Variants in SAMD5 observed in about 807,000 individuals in gnomAD.
SAMD5 encodes the protein sterile alpha motif domain-containing protein 5.
Under a neutral mutation model 11.3 loss-of-function variants are expected in SAMD5, and 13 were observed. The observed-to-expected ratio is 1.15, with a 90% confidence interval of 0.75 to 1.83. The LOEUF (loss-of-function observed/expected upper bound fraction) is 1.83. SAMD5 is among the 40% of genes most tolerant of loss of function. The pLI is 0.00. For missense variants in SAMD5, 255 were observed against 239.1 expected (o/e 1.07, Z -0.44); for synonymous variants, 129 against 111.3 (o/e 1.16, Z -1.00).
chr6:147,725,347 G>A (rs79940011), intron 1 of SAMD5, among the ~76,000 whole-genome samples: 7 of 151,252 alleles, frequency 4.6e-5, no homozygotes, highest in Non-Finnish European at 5.9e-5. Flanking sequence ...CAAATCTTGT[G>A]GGGGGTGGAC....
At chr6:147,619,277 A>C (rs1789921870) in intron 1 of SAMD5, among the ~76,000 whole-genome samples, 1 of 152,258 alleles carries the variant, frequency 6.6e-6, no homozygotes, top group Non-Finnish European at 1.5e-5. Context: ...AATTATTGAC[A>C]TGAATTCTGC....
chr6:147,938,085 C>G, the SAMD5 span, among the ~76,000 whole-genome samples: 35 of 152,178 alleles, frequency 2.3e-4, no homozygotes, highest in African/African-American at 7.5e-4. Context: ...GAACCTATGC[C>G]TTGTGTTCAA....
At chr6:147,606,787 C>G (rs1308814073) in intron 1 of SAMD5, among the ~76,000 whole-genome samples, 1 of 151,884 alleles carries the variant, frequency 6.6e-6, no homozygotes, top group Non-Finnish European at 1.5e-5. Context: ...GATGTGGAAA[C>G]TGAGAAACAG....
intron 1 of SAMD5, among the ~76,000 whole-genome samples, chr6:147,680,171 G>A (rs1257087288): frequency 4.6e-5 from 7 of 151,992 alleles, no homozygotes; most frequent in South Asian, 2.1e-4. Context: ...CTTCTGACCC[G>A]TAACTGTCTC....
At chr6:147,520,625 A>G (rs685322) in intron 1 of SAMD5, among the ~76,000 whole-genome samples, 1,710 of 152,132 alleles carry the variant, frequency 0.011, 18 homozygotes, top group South Asian at 0.029. Flanking sequence ...GTCAGAATAT[A>G]TGTTTTATAC....
the SAMD5 span, among the ~76,000 whole-genome samples, chr6:147,803,143 G>C: frequency 9.2e-6 from 1 of 108,332 alleles, no homozygotes; most frequent in Non-Finnish European, 1.9e-5. Flanking sequence ...GTGTGTGTGT[G>C]TGTGTGTGTG....
At chr6:147,582,322 C>T (rs1562326236) in intron 1 of SAMD5, among the ~76,000 whole-genome samples, 2 of 115,598 alleles carry the variant, frequency 1.7e-5, no homozygotes, top group Non-Finnish European at 3.7e-5. Flanking sequence ...AGCTGAGATC[C>T]GCACCCCCCC....
the SAMD5 span, among the ~76,000 whole-genome samples, chr6:147,821,174 G>A: frequency 9.2e-5 from 14 of 152,310 alleles, no homozygotes; most frequent in Middle Eastern, 6.8e-3. Context: ...CATCATACCA[G>A]TCTAGGAAGC....
chr6:147,849,272 G>T, the SAMD5 span, among the ~76,000 whole-genome samples: 1 of 148,342 alleles, frequency 6.7e-6, no homozygotes, highest in Admixed American at 6.8e-5. Context: ...TAAACTTTGA[G>T]AAAAAAAATT....
At position 147,540,951 on chromosome 6, in the gene SAMD5, T is replaced by C. The variant is rs1406841254; in HGVS notation, c.460-23443T>C. ...GCCACGCGTTTTTTTTTTTTTTTTT[T>C]TTTTTTTTTGAGAAGGAGTCTTCTC... On this transcript the variant is annotated intron_variant, in intron 1 of 1. Transcript: ENST00000367474. Among the ~76,000 whole-genome samples, 3 of 142,400 alleles carry C rather than the reference T, an allele frequency of 2.1e-5. No individual in the cohort carries two copies. In the Admixed American group the frequency reaches 2.1e-4, roughly 10 times the overall value. The allele number at this position is 142,400 out of a possible 152,430, so 93.4% of individuals were successfully genotyped here.
the SAMD5 span, among the ~76,000 whole-genome samples, chr6:147,920,595 C>T: frequency 6.6e-6 from 1 of 152,186 alleles, no homozygotes; most frequent in Non-Finnish European, 1.5e-5. Context: ...CTGACTAATA[C>T]ACTATTTAAC....
chr6:147,694,756 G>T (rs1235920413), intron 1 of SAMD5, among the ~76,000 whole-genome samples: 10 of 152,190 alleles, frequency 6.6e-5, no homozygotes, highest in African/African-American at 4.8e-5. Context: ...GGTCAAGGCT[G>T]CAGTGAGCTG....
intron 1 of SAMD5, among the ~76,000 whole-genome samples, chr6:147,613,030 CT>C (rs1219015847): frequency 1.3e-5 from 2 of 152,068 alleles, no homozygotes; most frequent in African/African-American, 4.8e-5. Context: ...GAAACCCTGT[CT>C]CTATTAAAAA....
intron 1 of SAMD5, among the ~76,000 whole-genome samples, chr6:147,617,633 G>A (rs1321885854): frequency 6.6e-6 from 1 of 152,236 alleles, no homozygotes; most frequent in Non-Finnish European, 1.5e-5. Flanking sequence ...AACAAATGCT[G>A]GGTTACATTA....
chr6:147,620,778 G>A (rs1236674979), intron 1 of SAMD5, among the ~76,000 whole-genome samples: 1 of 152,172 alleles, frequency 6.6e-6, no homozygotes. Context: ...AGAGCTTCAT[G>A]TCCTATGTGT....
the SAMD5 span, among the ~76,000 whole-genome samples, chr6:147,940,131 G>A: frequency 6.6e-6 from 1 of 152,004 alleles, no homozygotes. Context: ...ATAGCTAGGA[G>A]CAGCATATAT....
intron 1 of SAMD5, among the ~76,000 whole-genome samples, chr6:147,547,801 T>C (rs1583077264): frequency 1.3e-5 from 2 of 152,216 alleles, no homozygotes; most frequent in East Asian, 3.8e-4. Context: ...GTTGACTGCG[T>C]TTATTTCTGC....
chr6:147,631,345 C>T (rs1266915131), intron 1 of SAMD5, among the ~76,000 whole-genome samples: 1 of 152,148 alleles, frequency 6.6e-6, no homozygotes, highest in African/African-American at 2.4e-5. Flanking sequence ...CAAGGGGGTT[C>T]AGCATAATTA....
the SAMD5 span, among the ~76,000 whole-genome samples, chr6:147,900,216 G>T: frequency 4.6e-5 from 7 of 152,270 alleles, no homozygotes; most frequent in Admixed American, 2.6e-4. Flanking sequence ...GACCCATGGA[G>T]GATCGGTCAA....
Sources: gnomAD v4.1 joint callset for allele counts (sites outside exome capture counted in the v4.1 genomes callset) on GRCh38, gnomAD v4.1.1 for gene constraint, MANE v1.5 for transcripts, NCBI Gene and HGNC (gene_info 2026-07-23, HGNC 2026-07-21) for gene names.